Variants in RPS6KA6 observed in about 807,000 individuals in gnomAD.
RPS6KA6 encodes the protein ribosomal protein S6 kinase A6, also known as ribosomal protein S6 kinase alpha-6.
RPS6KA6 carries 27 observed loss-of-function variants against 65.4 expected under a neutral mutation model. The ratio of observed to expected loss-of-function variants is 0.41; its 90% CI spans 0.30 to 0.57. The LOEUF is 0.57. Among genes scored for constraint, RPS6KA6 ranks in the 20% least tolerant of loss-of-function variants. The pLI, the probability that RPS6KA6 is intolerant of heterozygous loss-of-function variation, is 0.24. For synonymous variants in RPS6KA6, 190 were observed against 184.2 expected, an observed-to-expected ratio of 1.03 and a Z score of -0.26; for missense variants, 486 against 555.6, an observed-to-expected ratio of 0.87 and a Z score of 1.26.
chrX:84,115,855 T>C (rs963068409), intron 12 of RPS6KA6, among the ~76,000 whole-genome samples: 1 of 111,201 alleles, frequency 9.0e-6, no homozygotes, highest in Non-Finnish European at 1.9e-5. Flanking sequence ...ACTCAGAAAA[T>C]CAAATATCCC....
rs184436115 is a variant in RPS6KA6 at position 84,132,294 on chromosome X, C to T, written c.646+2488G>A. 8.7e-3 allele frequency among the ~76,000 whole-genome samples: 957 copies of T among 110,041 alleles called. 16 individuals carry two copies. The highest frequency in any genetic ancestry group is 0.031 in the African/African-American group (922 of 30,175). On this transcript the variant is annotated intron_variant, in intron 8 of 21. Transcript: ENST00000262752. ...AAATAGCTGGGTGTGGTGGCATGTTCCTGAAGTCCCAGCTACCCAGAAGGC... is the reference window on the plus strand; with the variant it reads ...AAATAGCTGGGTGTGGTGGCATGTTTCTGAAGTCCCAGCTACCCAGAAGGC...
In RPS6KA6 at chrX:84,146,974, A is replaced by AT; in HGVS notation, c.421+3dup. ...AAATAAAAGAATAAAAAAAGATTAC[A>AT]TACCATAGTGCAATTTGACAATAAA... On this transcript the variant is annotated splice_donor_region_variant and intron_variant, in intron 5 of 21. Transcript: ENST00000262752. The AT allele has an allele frequency of 9.5e-7, 1 of 1,056,342 alleles. No individual in the cohort carries two copies. Among genetic ancestry groups the AT allele is most frequent in the Non-Finnish European group, 1.3e-6 (1 of 765,966 alleles). The allele number at this position is 1,056,342 out of a possible 1,213,427, so 87.1% of individuals were successfully genotyped here.
Position 84,059,665 on chromosome X carries a change from C to T in RPS6KA6, c.*4612G>A, listed in dbSNP as rs780671163. On this transcript the variant is annotated 3_prime_UTR_variant, in exon 22 of 22. Transcript: ENST00000262752. ...TTAGTACATTCTCTATAATTGTCCA[C>T]GTAAAATTAAATGCTTAATACCTTT... 2.7e-5 allele frequency: 3 copies of T among 111,427 alleles called. No individual in the cohort carries two copies. The highest frequency in any genetic ancestry group is 5.7e-5 in the Non-Finnish European group (3 of 53,050). 9.2% of individuals were successfully genotyped at this position (111,427 alleles called of 1,213,427 possible).
At chrX:84,128,059 C>A (rs1194220966) in intron 8 of RPS6KA6, among the ~76,000 whole-genome samples, 1 of 111,212 alleles carries the variant, frequency 9.0e-6, no homozygotes, top group Non-Finnish European at 1.9e-5. Flanking sequence ...TATTATCTTA[C>A]ATTTGGAAAA....
rs1408734212 is a variant in RPS6KA6, at chrX:84,064,830, A to G, written c.2112+141T>C. ...TAGTAAAGTAAGCTAAGAAAAGTACATGGTTGTTAATTTAAAAAAATCTAT... is the reference window on the plus strand; with the variant it reads ...TAGTAAAGTAAGCTAAGAAAAGTACGTGGTTGTTAATTTAAAAAAATCTAT... On this transcript the variant is annotated intron_variant, in intron 21 of 21. Coordinates refer to ENST00000262752, the MANE Select transcript of RPS6KA6 (RefSeq NM_014496.5). 4 of 452,863 alleles carry G rather than the reference A, an allele frequency of 8.8e-6. No individual in the cohort carries two copies. The Admixed American group carries it at 1.6e-4, about 18-fold the overall frequency. The allele number at this position is 452,863 out of a possible 1,213,427, so 37.3% of individuals were successfully genotyped here. A position where few individuals can be genotyped will look rare whatever the true frequency, so the allele number is the denominator to read the frequency against.
At chrX:84,130,298 A>G (rs2034873632) in intron 8 of RPS6KA6, among the ~76,000 whole-genome samples, 1 of 111,797 alleles carries the variant, frequency 8.9e-6, no homozygotes, top group South Asian at 3.7e-4. Flanking sequence ...AATACAAAAT[A>G]AAACCATGAT....
chrX:84,104,125 G>T (rs1308966999), intron 17 of RPS6KA6, among the ~76,000 whole-genome samples: 1 of 110,575 alleles, frequency 9.0e-6, no homozygotes, highest in South Asian at 3.8e-4. Flanking sequence ...AGCTGGCAAG[G>T]TTCAAGATAC....
chrX:84,133,797 C>G (rs2034945328), intron 8 of RPS6KA6, among the ~76,000 whole-genome samples: 1 of 111,298 alleles, frequency 9.0e-6, no homozygotes, highest in African/African-American at 3.2e-5. Flanking sequence ...TTTCCTTTTT[C>G]TCTTTAAATA....
chrX:84,159,059 C>T (rs1373611306), intron 2 of RPS6KA6, among the ~76,000 whole-genome samples: 3 of 110,843 alleles, frequency 2.7e-5, no homozygotes, highest in Non-Finnish European at 5.7e-5. Context: ...TACATGCGTG[C>T]ACACACATAT....
At position 84,115,871 on chromosome X, in the gene RPS6KA6, C is replaced by A. The variant is rs187856629; in HGVS notation, c.1008+358G>T. On this transcript the variant is annotated intron_variant, in intron 12 of 21. Transcript: ENST00000262752. ...CTCAGAAAATCAAATATCCCATGTT[C>A]TCACTTATAAGTGGGAGCTACACAA... is the stretch of plus-strand genomic sequence containing the variant. 3.6e-5 allele frequency among the ~76,000 whole-genome samples: 4 copies of A among 111,574 alleles called. No individual in the cohort carries two copies. The Admixed American group carries it at 3.8e-4, about 11-fold the overall frequency.
intron 3 of RPS6KA6, 107 bp from the exon 4 acceptor site, chrX:84,148,230 T>A: frequency 4.4e-6 from 2 of 450,645 alleles, no homozygotes; most frequent in Admixed American, 4.5e-5. Flanking sequence ...TTTCTCTAAT[T>A]TTATAAACAT....
At chrX:84,103,279 G>A (rs1309047724) in intron 17 of RPS6KA6, among the ~76,000 whole-genome samples, 2 of 110,453 alleles carry the variant, frequency 1.8e-5, no homozygotes, top group Middle Eastern at 4.6e-3. Flanking sequence ...CCTCAACAAA[G>A]TAAAACAAAA....
In RPS6KA6 at chrX:84,071,447, C is replaced by T. The variant is rs764555814; in HGVS notation, c.1972-6336G>A. Among the ~76,000 whole-genome samples the T allele has an allele frequency of 8.1e-5, 9 of 111,093 alleles. No individual in the cohort carries two copies. In the South Asian group the frequency reaches 3.4e-3, roughly 42 times the overall value. ...ATAGTGAGTAGCCCTAGACTAAACACTAGTCTGGTCCTGCCTAAAAAAATT... is the reference window on the plus strand; with the variant it reads ...ATAGTGAGTAGCCCTAGACTAAACATTAGTCTGGTCCTGCCTAAAAAAATT... On this transcript the variant is annotated intron_variant, in intron 20 of 21. Transcript: ENST00000262752.
intron 8 of RPS6KA6, 41 bp downstream of exon 8, chrX:84,134,741 T>C: frequency 1.1e-6 from 1 of 885,415 alleles, no homozygotes; most frequent in Non-Finnish European, 1.6e-6. Context: ...ATAAAAAATA[T>C]GAATCAAGTG....
At chrX:84,175,183 T>G (rs1329079449) in intron 1 of RPS6KA6, among the ~76,000 whole-genome samples, 1 of 111,608 alleles carries the variant, frequency 9.0e-6, no homozygotes, top group Non-Finnish European at 1.9e-5. Flanking sequence ...ATTCTTTGTA[T>G]TTCATATCTT....
intron 3 of RPS6KA6, among the ~76,000 whole-genome samples, chrX:84,153,317 C>T (rs2035361260): frequency 9.0e-6 from 1 of 111,299 alleles, no homozygotes; most frequent in South Asian, 3.7e-4. Flanking sequence ...TTATTTGGCA[C>T]ATGATATATA....
chrX:84,176,981 A>G (rs2035780480), intron 1 of RPS6KA6, among the ~76,000 whole-genome samples: 2 of 111,745 alleles, frequency 1.8e-5, no homozygotes, highest in Admixed American at 9.5e-5. Flanking sequence ...TCACAAGTCA[A>G]TAGACTACAG....
intron 16 of RPS6KA6, among the ~76,000 whole-genome samples, chrX:84,105,101 A>G (rs1029697168): frequency 9.1e-6 from 1 of 110,466 alleles, no homozygotes; most frequent in Non-Finnish European, 1.9e-5. Flanking sequence ...TACTGGTTGA[A>G]TTCCAATAGT....
intron 8 of RPS6KA6, among the ~76,000 whole-genome samples, chrX:84,130,456 A>T (rs1420094224): frequency 8.9e-6 from 1 of 111,928 alleles, no homozygotes; most frequent in Non-Finnish European, 1.9e-5. Flanking sequence ...TTTCTCACTT[A>T]GTTAAATATA....
Sources: gnomAD v4.1 joint callset for allele counts (sites outside exome capture counted in the v4.1 genomes callset) on GRCh38, gnomAD v4.1.1 for gene constraint, MANE v1.5 for transcripts, NCBI Gene and HGNC (gene_info 2026-07-23, HGNC 2026-07-21) for gene names.